COL6A6: variants seen among roughly 807,000 people sequenced by gnomAD.
COL6A6 encodes collagen alpha-6(VI) chain.
In COL6A6, 183 loss-of-function variants were observed where a neutral mutation model predicts 208.6. That is an observed-to-expected ratio of 0.88 (90% CI 0.78 to 0.99). COL6A6 has a LOEUF of 0.99. Ranked by LOEUF, COL6A6 falls within the 50% of genes least tolerant of loss-of-function variation. The pLI is 0.00. For missense variants in COL6A6, 2,816 were observed against 2,815.2 expected (o/e 1.00, Z -0.01); for synonymous variants, 973 against 1,011.8 (o/e 0.96, Z 0.73).
intron 1 of COL6A6, among the ~76,000 whole-genome samples, chr3:130,551,827 A>C (rs1430963067): frequency 2.0e-5 from 3 of 152,160 alleles, no homozygotes; most frequent in African/African-American, 7.2e-5. Flanking sequence ...ACACTGCTTT[A>C]GCTGTATCCC....
chr3:130,675,713 T>C lies in COL6A6; in HGVS notation c.*316T>C, dbSNP rs1017138001. The C allele has an allele frequency of 4.6e-5, 9 of 196,636 alleles. No homozygotes were observed. The highest frequency in any genetic ancestry group is 5.1e-5 in the Non-Finnish European group (5 of 97,534). The allele number at this position is 196,636 out of a possible 1,614,324, so 12.2% of individuals were successfully genotyped here. A position where few individuals can be genotyped will look rare whatever the true frequency, so the allele number is the denominator to read the frequency against. On this transcript the variant is annotated 3_prime_UTR_variant, in exon 37 of 37. Coordinates refer to ENST00000358511, the MANE Select transcript of COL6A6 (RefSeq NM_001102608.3). ...GTATGCATATGTGTACATGGGTCAA[T>C]GTTAATTCTTTTATCTCTGTCCAGT...
At chr3:130,664,565 T>C (rs1210278446) in intron 35 of COL6A6, among the ~76,000 whole-genome samples, 1 of 152,246 alleles carries the variant, frequency 6.6e-6, no homozygotes, top group Non-Finnish European at 1.5e-5. Flanking sequence ...ACTAATGAAC[T>C]GAACCCAAGA....
At chr3:130,625,351 T>A (rs1295540128) in intron 24 of COL6A6, among the ~76,000 whole-genome samples, 1 of 152,196 alleles carries the variant, frequency 6.6e-6, no homozygotes, top group African/African-American at 2.4e-5. Context: ...TTGCACATAC[T>A]TTCACACTTT....
At chr3:130,674,156 T>C (rs1281637610) in intron 36 of COL6A6, among the ~76,000 whole-genome samples, 2 of 152,190 alleles carry the variant, frequency 1.3e-5, no homozygotes, top group Non-Finnish European at 2.9e-5. Flanking sequence ...ACAACATCCC[T>C]GTAAAATACG....
At chr3:130,603,712 T>C (rs532531203) in intron 20 of COL6A6, among the ~76,000 whole-genome samples, 1 of 152,348 alleles carries the variant, frequency 6.6e-6, no homozygotes, top group South Asian at 2.1e-4. Flanking sequence ...GGCACTCATT[T>C]ACAGGCATTC....
At chr3:130,626,635 A>G in intron 25 of COL6A6, 88 bp downstream of exon 25, 1 of 902,084 alleles carries the variant, frequency 1.1e-6, no homozygotes, top group Non-Finnish European at 1.9e-6. Flanking sequence ...GAGAGTTTTA[A>G]GGATACAATC....
intron 10 of COL6A6, among the ~76,000 whole-genome samples, chr3:130,584,454 T>A (rs1560026480): frequency 6.6e-6 from 1 of 152,078 alleles, no homozygotes; most frequent in Non-Finnish European, 1.5e-5. Context: ...CCCTCCTCAT[T>A]CTCATTCTAG....
chr3:130,589,068 G>A, intron 11 of COL6A6, 22 bp from the exon 12 acceptor site: 4 of 1,596,548 alleles, frequency 2.5e-6, no homozygotes, highest in South Asian at 1.1e-5. Flanking sequence ...CAAATGTAAT[G>A]TATTTCTTAC....
intron 23 of COL6A6, 37 bp from the exon 24 acceptor site, chr3:130,621,784 G>A (rs927367911): frequency 4.4e-6 from 7 of 1,591,960 alleles, no homozygotes; most frequent in African/African-American, 1.3e-5. Flanking sequence ...GTTGCTTTAT[G>A]TTTTGCTATA....
At chr3:130,595,560 A>G (rs1363505553) in intron 18 of COL6A6, among the ~76,000 whole-genome samples, 1 of 152,216 alleles carries the variant, frequency 6.6e-6, no homozygotes, top group Non-Finnish European at 1.5e-5. Context: ...ATGGAACCAT[A>G]TAAGTGTCTG....
intron 6 of COL6A6, among the ~76,000 whole-genome samples, 153 bp from the exon 7 acceptor site, chr3:130,570,665 T>G (rs1300944552): frequency 6.6e-6 from 1 of 152,210 alleles, no homozygotes; most frequent in Non-Finnish European, 1.5e-5. Flanking sequence ...CACCAATGTA[T>G]GTGTATTGTC....
At chr3:130,643,692 G>A (rs1264689009) in intron 31 of COL6A6, among the ~76,000 whole-genome samples, 2 of 152,208 alleles carry the variant, frequency 1.3e-5, no homozygotes. Flanking sequence ...AAGATTAGGA[G>A]AGAGTTGACT....
intron 34 of COL6A6, among the ~76,000 whole-genome samples, chr3:130,661,297 T>G (rs189732947): frequency 6.6e-6 from 1 of 152,358 alleles, no homozygotes; most frequent in Admixed American, 6.5e-5. Context: ...ACTGTTATGT[T>G]GTGATACAGT....
chr3:130,614,618 G>A (rs1048644864), intron 23 of COL6A6, among the ~76,000 whole-genome samples: 1 of 152,116 alleles, frequency 6.6e-6, no homozygotes, highest in African/African-American at 2.4e-5. Flanking sequence ...GATAGAATTT[G>A]GCTTTGAATC....
At chr3:130,566,680 C>T in intron 4 of COL6A6, 22 bp from the exon 5 acceptor site, 2 of 1,556,482 alleles carry the variant, frequency 1.3e-6, no homozygotes, top group Non-Finnish European at 8.7e-7. Flanking sequence ...ATGCCACATG[C>T]AACTTATTGA....
Position 130,606,975 on chromosome 3 carries a change from A to G in COL6A6, c.4689+9A>G. 1 of 1,604,664 alleles carries G rather than the reference A, an allele frequency of 6.2e-7. No individual in the cohort carries two copies. The highest frequency in any genetic ancestry group is 8.5e-7 in the Non-Finnish European group (1 of 1,174,688). ...GACATACAGGCCCACAGGTACAATG[A>G]TTTTTCCCCTTAACTCCAAATAACA... On this transcript the variant is annotated intron_variant, in intron 21 of 36. Coordinates refer to ENST00000358511, the MANE Select transcript of COL6A6 (RefSeq NM_001102608.3).
chr3:130,581,187 G>A (rs924882744), intron 8 of COL6A6, among the ~76,000 whole-genome samples: 1 of 151,860 alleles, frequency 6.6e-6, no homozygotes, highest in Non-Finnish European at 1.5e-5. Context: ...TTTAATATTT[G>A]TTGAATGACC....
At chr3:130,670,374 A>G (rs1420960106) in intron 36 of COL6A6, among the ~76,000 whole-genome samples, 1 of 152,206 alleles carries the variant, frequency 6.6e-6, no homozygotes, top group Non-Finnish European at 1.5e-5. Flanking sequence ...CTGGGTGCTC[A>G]GTAGGGCACA....
At chr3:130,609,387 C>T (rs2064283675) in intron 22 of COL6A6, among the ~76,000 whole-genome samples, 1 of 152,182 alleles carries the variant, frequency 6.6e-6, no homozygotes, top group South Asian at 2.1e-4. Flanking sequence ...CAGCTGGAGA[C>T]ATCAGTGGGG....
Sources: allele counts gnomAD v4.1 joint callset (sites outside exome capture counted in the v4.1 genomes callset), GRCh38; gene constraint gnomAD v4.1.1; transcripts MANE v1.5; gene names NCBI Gene and HGNC (gene_info 2026-07-23, HGNC 2026-07-21).